VANGL1: variants seen among roughly 807,000 people sequenced by gnomAD.
The protein encoded by VANGL1 is vang-like protein 1.
In VANGL1, 18 loss-of-function variants were observed where a neutral mutation model predicts 48.4. The ratio of observed to expected loss-of-function variants is 0.37; its 90% CI spans 0.26 to 0.55. VANGL1 has a LOEUF of 0.55. Ranked by LOEUF, VANGL1 falls within the 20% of genes least tolerant of loss-of-function variation. The pLI is 0.81. For synonymous variants in VANGL1, 257 were observed against 261.8 expected, an observed-to-expected ratio of 0.98 and a Z score of 0.18; for missense variants, 667 against 675.8, an observed-to-expected ratio of 0.99 and a Z score of 0.14.
chr1:115,670,337 C>T (rs1478597330), intron 4 of VANGL1, among the ~76,000 whole-genome samples: 1 of 152,212 alleles, frequency 6.6e-6, no homozygotes, highest in Non-Finnish European at 1.5e-5. Flanking sequence ...ACACTGGAGA[C>T]TTGTGACCCC....
intron 4 of VANGL1, among the ~76,000 whole-genome samples, chr1:115,669,679 T>C (rs905166690): frequency 9.2e-5 from 14 of 152,140 alleles, no homozygotes; most frequent in African/African-American, 3.4e-4. Context: ...TCTGCCATGA[T>C]TGTGAGGCCT....
intron 4 of VANGL1, among the ~76,000 whole-genome samples, chr1:115,678,305 A>G (rs4839471): frequency 0.65 from 98,242 of 152,020 alleles, 32,050 homozygotes; most frequent in South Asian, 0.75. Flanking sequence ...CCATATTTGG[A>G]GGGTGGAGAG....
rs554953611 is a variant in VANGL1, at chr1:115,692,772, T to A, written c.*1393T>A. 1 of 152,304 alleles carries A rather than the reference T, an allele frequency of 6.6e-6. No homozygotes were observed. The highest frequency in any genetic ancestry group is 1.9e-4 in the East Asian group (1 of 5,198). The allele number at this position is 152,304 out of a possible 1,614,324, so 9.4% of individuals were successfully genotyped here. A position where few individuals can be genotyped will look rare whatever the true frequency, so the allele number is the denominator to read the frequency against. On this transcript the variant is annotated 3_prime_UTR_variant, in exon 8 of 8. Coordinates refer to ENST00000355485, the MANE Select transcript of VANGL1 (RefSeq NM_138959.3). ...CAGGGGAGCTCCTTCAGGAGCCCCA[T>A]CCGGACCTCTTGCACTGGGCTGCCT...
chr1:115,674,864 G>A (rs978372320), intron 4 of VANGL1, among the ~76,000 whole-genome samples: 2 of 152,118 alleles, frequency 1.3e-5, no homozygotes, highest in African/African-American at 4.8e-5. Context: ...TAACATGTAA[G>A]AATACAAGTT....
chr1:115,691,462 T>A lies in VANGL1; in HGVS notation c.*83T>A, dbSNP rs3811013. On this transcript the variant is annotated 3_prime_UTR_variant, in exon 8 of 8. Transcript: ENST00000355485. ...ATCTATGCCAGAGGGGTGTCTTTTT[T>A]AAAAATTCTTCTTCATTGCTGACTG... 0.21 allele frequency: 297,646 copies of A among 1,425,198 alleles called. 32,818 individuals carry two copies. The highest frequency in any genetic ancestry group is 0.26 in the South Asian group (17,962 of 70,416). 88.3% of individuals were successfully genotyped at this position (1,425,198 alleles called of 1,614,324 possible).
chr1:115,689,853 G>A (rs1390658574), intron 7 of VANGL1, among the ~76,000 whole-genome samples: 3 of 136,442 alleles, frequency 2.2e-5, no homozygotes, highest in Admixed American at 7.5e-5. Context: ...CTACTTAGGA[G>A]GCTGAGGCAA....
At chr1:115,691,083 G>A (rs1557778420) in intron 7 of VANGL1, 36 bp from the exon 8 acceptor site, 1 of 1,614,074 alleles carries the variant, frequency 6.2e-7, no homozygotes, top group Non-Finnish European at 8.5e-7. Flanking sequence ...AAAACAGGCT[G>A]TTTCTTCCCT....
chr1:115,655,522 A>T (rs77145378), intron 2 of VANGL1, among the ~76,000 whole-genome samples: 306 of 152,334 alleles, frequency 2.0e-3, no homozygotes, highest in Non-Finnish European at 3.6e-3. Flanking sequence ...TCATACAGGC[A>T]GATGTTGCGT....
intron 5 of VANGL1, among the ~76,000 whole-genome samples, chr1:115,683,256 T>C (rs191298042): frequency 1.1e-4 from 16 of 152,298 alleles, no homozygotes; most frequent in Admixed American, 5.2e-4. Flanking sequence ...AGATTCCCAC[T>C]AGTGAAACCA....
At position 115,695,236 on chromosome 1, in the gene VANGL1, G is replaced by A. The variant is rs1383724303; in HGVS notation, c.*3857G>A. ...ATTTCTTAAGGTAACTTAAAAATTGGGCTTTATTTTTAAAAAGTGATAGGT... is the reference window on the plus strand; with the variant it reads ...ATTTCTTAAGGTAACTTAAAAATTGAGCTTTATTTTTAAAAAGTGATAGGT... On this transcript the variant is annotated 3_prime_UTR_variant, in exon 8 of 8. Coordinates refer to ENST00000355485, the MANE Select transcript of VANGL1 (RefSeq NM_138959.3). 1 of 152,442 alleles carries A rather than the reference G, an allele frequency of 6.6e-6. No homozygotes were observed. The highest frequency in any genetic ancestry group is 1.9e-4 in the East Asian group (1 of 5,188). 9.4% of individuals were successfully genotyped at this position (152,442 alleles called of 1,614,324 possible).
Position 115,687,995 on chromosome 1 carries a change from T to TAGATAGAC in VANGL1, c.1314+2475_1314+2476insCAGATAGA, listed in dbSNP as rs1653697765. 1.5e-5 allele frequency among the ~76,000 whole-genome samples: 2 copies of TAGATAGAC among 130,630 alleles called. 1 individual carries two copies. The highest frequency in any genetic ancestry group is 5.8e-5 in the African/African-American group (2 of 34,236). The allele number at this position is 130,630 out of a possible 152,430, so 85.7% of individuals were successfully genotyped here. ...ATAGATAGATAGATAGATAGACACA[T>TAGATAGAC]AGATAGATACATAGATAGATACATA... On this transcript the variant is annotated intron_variant, in intron 7 of 7. Coordinates refer to ENST00000355485, the MANE Select transcript of VANGL1 (RefSeq NM_138959.3).
At chr1:115,681,336 C>T (rs1179354575) in intron 4 of VANGL1, among the ~76,000 whole-genome samples, 2 of 146,134 alleles carry the variant, frequency 1.4e-5, no homozygotes, top group Non-Finnish European at 3.0e-5. Context: ...TTCTTTGTTC[C>T]CCTGCTGCTC....
At chr1:115,651,761 C>CT (rs112781746) in intron 2 of VANGL1, among the ~76,000 whole-genome samples, 2,552 of 145,914 alleles carry the variant, frequency 0.017, 69 homozygotes, top group African/African-American at 0.056. Flanking sequence ...CTAGGTATTT[C>CT]TTTTTTTTTT....
chr1:115,683,968 A>T lies in VANGL1; in HGVS notation c.971A>T (p.Gln324Leu). The T allele has an allele frequency of 6.2e-7, 1 of 1,614,056 alleles. No homozygotes were observed. The stretch of plus-strand genomic sequence containing the variant: ...GGCCCCAGTAACAATGCCACTGGCC[A>T]GTCCCGGGCCATGATTGCTGCAGCT... Reference protein sequence around the residue: ...VDGPSNNATGQSRAMIAAAAR... With the variant: ...VDGPSNNATGLSRAMIAAAAR... Residue 324 changes from glutamine to leucine, a missense_variant, in exon 6 of 8, where the codon CAG becomes CTG. Gln to Leu is a moderately radical substitution (Grantham distance 113). Coordinates refer to ENST00000355485, the MANE Select transcript of VANGL1 (RefSeq NM_138959.3).
chr1:115,668,672 G>A (rs756421415), intron 4 of VANGL1, among the ~76,000 whole-genome samples: 1 of 152,196 alleles, frequency 6.6e-6, no homozygotes. Context: ...ATGGTCCTGT[G>A]TGATTATACT....
At chr1:115,671,723 C>T (rs561263630) in intron 4 of VANGL1, among the ~76,000 whole-genome samples, 44 of 152,242 alleles carry the variant, frequency 2.9e-4, no homozygotes, top group Non-Finnish European at 4.1e-4. Context: ...GGCAGCATGG[C>T]GAGGTTTGTG....
intron 2 of VANGL1, among the ~76,000 whole-genome samples, chr1:115,656,816 C>T (rs924289863): frequency 1.3e-5 from 2 of 152,160 alleles, no homozygotes; most frequent in African/African-American, 2.4e-5. Flanking sequence ...GTTCAGGCTC[C>T]GGGAATTGGC....
chr1:115,681,503 G>GTTTTTTTTTTTT (rs368388367), intron 4 of VANGL1, among the ~76,000 whole-genome samples: 1 of 114,880 alleles, frequency 8.7e-6, no homozygotes, highest in Non-Finnish European at 1.8e-5. Flanking sequence ...TTTTTTTGTT[G>GTTTTTTTTTTTT]TTTTTTTTGT....
Position 115,697,416 on chromosome 1 carries a change from A to C in VANGL1, c.*6037A>C, listed in dbSNP as rs1654071393. The stretch of plus-strand genomic sequence containing the variant: ...TTATAATAGTTTACGGTAGGCTTTA[A>C]TTAAATGGCAAACTCCTCTGGGACC... On this transcript the variant is annotated 3_prime_UTR_variant, in exon 8 of 8. Coordinates refer to ENST00000355485, the MANE Select transcript of VANGL1 (RefSeq NM_138959.3). 1 of 152,242 alleles carries C rather than the reference A, an allele frequency of 6.6e-6. No homozygotes were observed. The highest frequency in any genetic ancestry group is 2.1e-4 in the South Asian group (1 of 4,832). The allele number at this position is 152,242 out of a possible 1,614,324, so 9.4% of individuals were successfully genotyped here.
Sources: allele counts gnomAD v4.1 joint callset (sites outside exome capture counted in the v4.1 genomes callset), GRCh38; gene constraint gnomAD v4.1.1; transcripts MANE v1.5; gene names NCBI Gene and HGNC (gene_info 2026-07-23, HGNC 2026-07-21).